CHI3L1: variants seen among roughly 807,000 people sequenced by gnomAD.
The protein encoded by CHI3L1 is chitinase-3-like protein 1.
In CHI3L1, 30 loss-of-function variants were observed where a neutral mutation model predicts 40.7. The observed-to-expected ratio is 0.74, with a 90% CI of 0.55 to 1.00. The LOEUF (loss-of-function observed/expected upper bound fraction) is 1.00. CHI3L1 is among the 50% of genes least tolerant of loss of function. CHI3L1 has a pLI of 0.00. For missense variants in CHI3L1, 493 were observed against 492.2 expected (o/e 1.00, Z -0.01); for synonymous variants, 210 against 192.1 (o/e 1.09, Z -0.77).
At chr1:203,179,606 G>A in intron 9 of CHI3L1, 21 bp from the exon 10 acceptor site, 1 of 1,612,838 alleles carries the variant, frequency 6.2e-7, no homozygotes. Flanking sequence ...AGGCCCAGAG[G>A]AGCAGGGCTG....
intron 4 of CHI3L1, 32 bp downstream of exon 4, chr1:203,184,544 C>T (rs947563862): frequency 1.3e-6 from 2 of 1,587,948 alleles, no homozygotes; most frequent in Admixed American, 1.7e-5. Flanking sequence ...CCATCATCCT[C>T]TGCCGTCCTG....
At chr1:203,183,081 C>T (rs897722430) in intron 5 of CHI3L1, among the ~76,000 whole-genome samples, 1 of 152,210 alleles carries the variant, frequency 6.6e-6, no homozygotes, top group Non-Finnish European at 1.5e-5. Context: ...CCCATCAGCA[C>T]TCAATTACTC....
At position 203,185,324 on chromosome 1, in the gene CHI3L1, C is replaced by G. The variant is rs777069933; in HGVS notation, c.117G>C (p.Gly39=). 6.2e-7 allele frequency: 1 copy of G among 1,614,156 alleles called. No homozygotes were observed. Among genetic ancestry groups the G allele is most frequent in the South Asian group, 1.1e-5 (1 of 91,074 alleles). Reference sequence around the variant, plus strand: ...GGTCAAGGGCATCTGGGAAGCAGCTCCCATCGCCTTCCCGGTACTGGGACC... The same window carrying G: ...GGTCAAGGGCATCTGGGAAGCAGCTGCCATCGCCTTCCCGGTACTGGGACC... The part of the protein sequence containing the change: ...TSWSQYREGD[G]SCFPDALDRF... The change falls in exon 3 of 10, where the codon GGG becomes GGC. Residue 39 remains glycine, a synonymous_variant. Coordinates refer to ENST00000255409, the MANE Select transcript of CHI3L1 (RefSeq NM_001276.4).
chr1:203,186,515 C>A, intron 1 of CHI3L1, 84 bp downstream of exon 1: 2 of 1,587,822 alleles, frequency 1.3e-6, no homozygotes, highest in Non-Finnish European at 1.7e-6. Context: ...CTTAGTCCCT[C>A]ACCCAGCAGG....
rs376460075 is a variant in CHI3L1 at position 203,181,284 on chromosome 1, G to A, written c.589C>T (p.His197Tyr). 6.2e-7 allele frequency: 1 copy of A among 1,613,702 alleles called. No homozygotes were observed. Among genetic ancestry groups the A allele is most frequent in the Non-Finnish European group, 8.5e-7 (1 of 1,179,838 alleles). Reference sequence around the variant, plus strand: ...GTCATGATGCTAATGAAATCCAGGTGTCTGAGGAGGAAGGGGATGGAGGGT... The same window carrying A: ...GTCATGATGCTAATGAAATCCAGGTATCTGAGGAGGAAGGGGATGGAGGGT... The part of the protein sequence containing the change: ...SSYDIAKISQ[H>Y]LDFISIMTYD... The change falls in exon 7 of 10, where the codon CAC becomes TAC. Residue 197 changes from histidine to tyrosine, a missense_variant and splice_region_variant. Coordinates refer to ENST00000255409, the MANE Select transcript of CHI3L1 (RefSeq NM_001276.4).
intron 5 of CHI3L1, among the ~76,000 whole-genome samples, chr1:203,183,167 C>T (rs1172850680): frequency 6.6e-6 from 1 of 152,160 alleles, no homozygotes; most frequent in East Asian, 1.9e-4. Context: ...ATTTGCCTTT[C>T]GGTCTGTGCT....
At chr1:203,183,074 A>G (rs1655970359) in intron 5 of CHI3L1, among the ~76,000 whole-genome samples, 1 of 152,108 alleles carries the variant, frequency 6.6e-6, no homozygotes, top group Non-Finnish European at 1.5e-5. Flanking sequence ...ATGCACACCC[A>G]TCAGCACTCA....
chr1:203,184,615 G>A lies in CHI3L1; in HGVS notation c.275C>T (p.Thr92Ile). 1 of 1,614,064 alleles carries A rather than the reference G, an allele frequency of 6.2e-7. No homozygotes were observed. The highest frequency in any genetic ancestry group is 8.5e-7 in the Non-Finnish European group (1 of 1,179,932). The change falls in exon 4 of 10, where the codon ACT becomes ATT. Residue 92 changes from threonine (T) to isoleucine (I), a missense_variant. Physicochemically the swap from Thr to Ile is moderately conservative, Grantham distance 89. Transcript: ENST00000255409. Reference protein sequence around the residue: ...TLKNRNPNLKTLLSVGGWNFG... With the variant: ...TLKNRNPNLKILLSVGGWNFG... Reference sequence around the variant, plus strand: ...GTTCCATCCTCCGACAGACAAGAGAGTCTTCAGGTTGGGGTTCCTGTGGAG... The same window carrying A: ...GTTCCATCCTCCGACAGACAAGAGAATCTTCAGGTTGGGGTTCCTGTGGAG...
chr1:203,185,146 C>G (rs1656028863), intron 3 of CHI3L1, 38 bp downstream of exon 3: 1 of 1,573,728 alleles, frequency 6.4e-7, no homozygotes. Flanking sequence ...GGGACCAGCC[C>G]AGCTGGTCCC....
chr1:203,182,613 G>A, intron 6 of CHI3L1, 118 bp downstream of exon 6: 3 of 1,168,808 alleles, frequency 2.6e-6, no homozygotes, highest in Admixed American at 3.8e-5. Context: ...GGCTTTGGAA[G>A]AACTGGGACT....
chr1:203,184,599 T>C lies in CHI3L1; in HGVS notation c.291A>G (p.Gly97=). 6.2e-7 allele frequency: 1 copy of C among 1,613,986 alleles called. No individual in the cohort carries two copies. Residue 97 remains glycine (G), a synonymous_variant, in exon 4 of 10, where the codon GGA becomes GGG. Coordinates refer to ENST00000255409, the MANE Select transcript of CHI3L1 (RefSeq NM_001276.4). ...ACCTTTGAGACCCAAAGTTCCATCC[T>C]CCGACAGACAAGAGAGTCTTCAGGT... ...NPNLKTLLSV[G]GWNFGSQRFS...
At chr1:203,179,702 C>T in intron 9 of CHI3L1, 59 bp downstream of exon 9, 1 of 1,614,108 alleles carries the variant, frequency 6.2e-7, no homozygotes. Context: ...AATCTGGCTG[C>T]TGGGAGCGGG....
Position 203,182,840 on chromosome 1 carries a change from C to G in CHI3L1, c.478G>C (p.Glu160Gln), listed in dbSNP as rs756333681. 6 of 1,613,940 alleles carry G rather than the reference C, an allele frequency of 3.7e-6. No individual in the cohort carries two copies. The highest frequency in any genetic ancestry group is 5.1e-6 in the Non-Finnish European group (6 of 1,180,002). The change falls in exon 6 of 10, where the codon GAA becomes CAA. Residue 160 changes from glutamate (E) to glutamine (Q), a missense_variant. Transcript: ENST00000255409. ...CCTGGCTGGGCTTCCTTTATAAATT[C>G]GGCCTTCATTTCCTAGATGGGAGAC... The part of the protein sequence containing the change: ...FTTLIKEMKA[E>Q]FIKEAQPGKK...
chr1:203,181,655 A>G (rs1655940522), intron 6 of CHI3L1: 1 of 182,952 alleles, frequency 5.5e-6, no homozygotes, highest in Admixed American at 6.1e-5. Flanking sequence ...AGGCTCCAGC[A>G]GGATGTGAAC....
intron 1 of CHI3L1, 37 bp downstream of exon 1, chr1:203,186,562 A>G (rs1279660451): frequency 1.2e-6 from 2 of 1,613,584 alleles, no homozygotes; most frequent in Admixed American, 3.3e-5. Context: ...CTGAAAACCC[A>G]CAACTCTGAT....
At chr1:203,184,317 G>A (rs1656008622) in intron 4 of CHI3L1, among the ~76,000 whole-genome samples, 1 of 152,208 alleles carries the variant, frequency 6.6e-6, no homozygotes, top group South Asian at 2.1e-4. Flanking sequence ...TTTCGGGCCT[G>A]TGAGGTAGTA....
rs138989209 is a variant in CHI3L1, at chr1:203,180,508, G to A, written c.856C>T (p.Arg286Trp). Residue 286 changes from arginine to tryptophan, a missense_variant, in exon 8 of 10, where the codon CGG (arginine) becomes TGG (tryptophan). By Grantham distance (101) the Arg-to-Trp change is moderately radical. Transcript: ENST00000255409. ...APISGPGIPG[R>W]FTKEAGTLAY... ...AGGGTCCCTGCCTCCTTGGTGAACC[G>A]GCCTGGAATTCCCGGTCCTGAGATT... 3.8e-5 allele frequency: 61 copies of A among 1,607,532 alleles called. 1 individual carries two copies. The highest frequency in any genetic ancestry group is 3.6e-4 in the African/African-American group (27 of 74,516).
At chr1:203,182,587 C>G (rs543801798) in intron 6 of CHI3L1, 144 bp downstream of exon 6, 1 of 873,314 alleles carries the variant, frequency 1.1e-6, no homozygotes, top group African/African-American at 1.7e-5. Flanking sequence ...GTGACTTGCT[C>G]AAGGTCACAC....
chr1:203,183,714 C>A lies in CHI3L1; in HGVS notation c.392G>T (p.Gly131Val), dbSNP rs766419435. ...CCAGGCAAGGTCCAGCCCATCAAAG[C>A]CATGGGTGCGCAGAAATGGCGGTAC... The part of the protein sequence containing the change: ...KSVPPFLRTH[G>V]FDGLDLAWLY... Residue 131 changes from glycine (G) to valine (V), a missense_variant, in exon 5 of 10, where the codon GGC becomes GTC. Gly to Val is a moderately radical substitution (Grantham distance 109). Transcript: ENST00000255409. The A allele has an allele frequency of 3.1e-6, 5 of 1,614,196 alleles. No homozygotes were observed. The South Asian group carries it at 5.5e-5, about 18-fold the overall frequency.
Sources: allele counts gnomAD v4.1 joint callset (sites outside exome capture counted in the v4.1 genomes callset), GRCh38; gene constraint gnomAD v4.1.1; transcripts MANE v1.5; gene names NCBI Gene and HGNC (gene_info 2026-07-23, HGNC 2026-07-21).